The following NREP variants were observed in gnomAD, a reference collection of about 807,000 sequenced individuals.
NREP encodes the protein neuronal regeneration-related protein.
Under a neutral mutation model 8.6 loss-of-function variants are expected in NREP, and 5 were observed. The observed-to-expected ratio is 0.58, with a 90% CI of 0.30 to 1.22. The LOEUF (loss-of-function observed/expected upper bound fraction) is 1.22, where lower values mean the gene tolerates loss of function less well. Ranked by LOEUF, NREP falls within the 50% of genes most tolerant of loss-of-function variation. The pLI is 0.07. For missense variants in NREP, 86 were observed against 82.5 expected, an observed-to-expected ratio of 1.04 and a Z score of -0.17; for synonymous variants, 27 against 28.0, an observed-to-expected ratio of 0.96 and a Z score of 0.11.
intron 2 of NREP, among the ~76,000 whole-genome samples, chr5:111,863,155 T>G (rs1417775697): frequency 6.6e-6 from 1 of 151,900 alleles, no homozygotes; most frequent in Non-Finnish European, 1.5e-5. Flanking sequence ...TGGTGGTGGT[T>G]AGGCACAGAA....
chr5:111,761,006 G>T (rs551159644), upstream of NREP, among the ~76,000 whole-genome samples: 1 of 152,182 alleles, frequency 6.6e-6, no homozygotes, highest in Non-Finnish European at 1.5e-5. Flanking sequence ...CCAGTTCCAT[G>T]AGTCTGAGTT....
At chr5:111,873,055 A>G (rs1581179357) in intron 2 of NREP, among the ~76,000 whole-genome samples, 1 of 152,290 alleles carries the variant, frequency 6.6e-6, no homozygotes, top group South Asian at 2.1e-4. Context: ...CTAAGCCTTC[A>G]TTTGGACAAT....
At chr5:111,766,647 T>C (rs1581101545) in intron 2 of NREP, among the ~76,000 whole-genome samples, 1 of 152,210 alleles carries the variant, frequency 6.6e-6, no homozygotes, top group East Asian at 1.9e-4. Flanking sequence ...AACTAGGCCA[T>C]CCTAACCCTC....
At chr5:111,882,228 C>A (rs988375247) in intron 2 of NREP, among the ~76,000 whole-genome samples, 1 of 151,978 alleles carries the variant, frequency 6.6e-6, no homozygotes, top group African/African-American at 2.4e-5. Flanking sequence ...GAAAGGGTAT[C>A]AGTGATGGAA....
chr5:111,867,650 T>C (rs1753698598), intron 2 of NREP, among the ~76,000 whole-genome samples: 1 of 152,122 alleles, frequency 6.6e-6, no homozygotes, highest in African/African-American at 2.4e-5. Flanking sequence ...AAGGAAATTT[T>C]TGGTTGAATA....
intron 2 of NREP, among the ~76,000 whole-genome samples, chr5:111,865,324 C>T (rs1753640459): frequency 6.6e-6 from 1 of 152,136 alleles, no homozygotes; most frequent in Non-Finnish European, 1.5e-5. Flanking sequence ...CTTGGCAGTC[C>T]TCTTGCAGTA....
At chr5:111,839,860 T>C (rs1011380854) in intron 2 of NREP, among the ~76,000 whole-genome samples, 2 of 152,094 alleles carry the variant, frequency 1.3e-5, no homozygotes, top group Non-Finnish European at 2.9e-5. Flanking sequence ...TATTTGAACC[T>C]CATGAGACTC....
At chr5:111,772,717 T>G (rs1047417526) in intron 2 of NREP, among the ~76,000 whole-genome samples, 1 of 152,010 alleles carries the variant, frequency 6.6e-6, no homozygotes, top group Non-Finnish European at 1.5e-5. Context: ...GAAAGCAGCA[T>G]GTTTCCCATG....
chr5:111,965,518 C>A (rs1017635528), intron 2 of NREP, among the ~76,000 whole-genome samples: 1 of 152,034 alleles, frequency 6.6e-6, no homozygotes, highest in African/African-American at 2.4e-5. Context: ...ATAATAAACC[C>A]CATCCCATAA....
At chr5:111,852,345 C>T (rs899964689) in intron 2 of NREP, among the ~76,000 whole-genome samples, 14 of 152,058 alleles carry the variant, frequency 9.2e-5, no homozygotes, top group African/African-American at 2.2e-4. Context: ...ATCAGTATTA[C>T]GCTGCTGCCT....
chr5:111,828,588 T>A (rs753752551), intron 2 of NREP, among the ~76,000 whole-genome samples: 1 of 152,106 alleles, frequency 6.6e-6, no homozygotes, highest in Non-Finnish European at 1.5e-5. Flanking sequence ...TTAGAGCGCT[T>A]AATTACAGCA....
chr5:111,896,628 T>C (rs1014792081), intron 2 of NREP, among the ~76,000 whole-genome samples: 1 of 152,212 alleles, frequency 6.6e-6, no homozygotes, highest in South Asian at 2.1e-4. Context: ...AGGGATTAAC[T>C]TACATATTTC....
chr5:111,824,505 T>C (rs555466564), intron 2 of NREP, among the ~76,000 whole-genome samples: 7 of 152,208 alleles, frequency 4.6e-5, no homozygotes, highest in African/African-American at 1.4e-4. Context: ...AACAGAAGCA[T>C]TGGGATGGAA....
intron 2 of NREP, among the ~76,000 whole-genome samples, chr5:111,807,595 T>C (rs1054330743): frequency 4.6e-5 from 7 of 152,248 alleles, no homozygotes; most frequent in East Asian, 1.9e-4. Flanking sequence ...AAATCAATTT[T>C]ATAAGATAGG....
chr5:111,929,752 C>T (rs1755485708), intron 2 of NREP, among the ~76,000 whole-genome samples: 1 of 152,116 alleles, frequency 6.6e-6, no homozygotes, highest in Non-Finnish European at 1.5e-5. Context: ...GTTTTCCATT[C>T]TCAATCCTTT....
intron 2 of NREP, among the ~76,000 whole-genome samples, chr5:111,748,806 G>A (rs1411191871): frequency 6.6e-6 from 1 of 152,180 alleles, no homozygotes; most frequent in African/African-American, 2.4e-5. Context: ...AGGGAAAGGT[G>A]TTGCTCAGTT....
chr5:111,975,314 T>C (rs1041874413), exon 2 of NREP: 4 of 1,551,604 alleles, frequency 2.6e-6, no homozygotes, highest in African/African-American at 2.7e-5. Flanking sequence ...CTGGAAACAT[T>C]TGGAACAAGG....
At chr5:111,875,423 G>A (rs1753881107) in intron 2 of NREP, among the ~76,000 whole-genome samples, 1 of 151,878 alleles carries the variant, frequency 6.6e-6, no homozygotes, top group South Asian at 2.1e-4. Context: ...AACGTATCAG[G>A]AAAAATAAAA....
chr5:111,927,787 AT>A (rs1324293432), intron 2 of NREP, among the ~76,000 whole-genome samples: 1 of 152,008 alleles, frequency 6.6e-6, no homozygotes, highest in Admixed American at 6.6e-5. Flanking sequence ...TTCCTTTTAA[AT>A]ATTTAAGCCC....
Sources: allele counts gnomAD v4.1 joint callset (sites outside exome capture counted in the v4.1 genomes callset), GRCh38; gene constraint gnomAD v4.1.1; transcripts MANE v1.5; gene names NCBI Gene and HGNC (gene_info 2026-07-23, HGNC 2026-07-21).